KIF6: variants seen among roughly 807,000 people sequenced by gnomAD.
The protein encoded by KIF6 is kinesin-like protein KIF6.
A neutral mutation model predicts 112.7 loss-of-function variants in KIF6; 106 were observed. The observed-to-expected ratio is 0.94, with a 90% CI of 0.80 to 1.11. The LOEUF (loss-of-function observed/expected upper bound fraction) is 1.11, where lower values mean the gene tolerates loss of function less well. KIF6 is among the 50% of genes least tolerant of loss of function. The probability of loss-of-function intolerance (pLI) is 0.00; values close to 1 mark genes in which losing one functional copy is unlikely to be tolerated. For missense variants in KIF6, 929 were observed against 964.0 expected (o/e 0.96, Z 0.48); for synonymous variants, 339 against 339.9 (o/e 1.00, Z 0.03).
intron 13 of KIF6, among the ~76,000 whole-genome samples, chr6:39,445,798 C>A (rs1357980549): frequency 1.3e-5 from 2 of 152,182 alleles, no homozygotes; most frequent in African/African-American, 2.4e-5. Context: ...AATGGCAAAT[C>A]CACAGGGATG....
rs544832292 is a variant in KIF6, at chr6:39,489,385, C to T, written c.1645+50618G>A. Among the ~76,000 whole-genome samples, 7 of 152,166 alleles carry T rather than the reference C, an allele frequency of 4.6e-5. No homozygotes were observed. In the South Asian group the frequency reaches 1.5e-3, roughly 32 times the overall value. On this transcript the variant is annotated intron_variant, in intron 13 of 22. Coordinates refer to ENST00000287152, the MANE Select transcript of KIF6 (RefSeq NM_145027.6). Reference sequence around the variant, plus strand: ...ATCGCAATAGACTTTAGAGATATCCCAACTGGAACTTAGGTCTGCATGGGC... The same window carrying T: ...ATCGCAATAGACTTTAGAGATATCCTAACTGGAACTTAGGTCTGCATGGGC...
chr6:39,603,186 A>G (rs1008888304), intron 6 of KIF6, among the ~76,000 whole-genome samples: 1 of 152,152 alleles, frequency 6.6e-6, no homozygotes, highest in Non-Finnish European at 1.5e-5. Context: ...AATGGTGCAG[A>G]TTGTAAAAAG....
At chr6:39,677,129 A>G (rs1464816799) in intron 3 of KIF6, among the ~76,000 whole-genome samples, 1 of 152,100 alleles carries the variant, frequency 6.6e-6, no homozygotes. Flanking sequence ...GGTGTTATAT[A>G]ATATTCTGTA....
intron 13 of KIF6, among the ~76,000 whole-genome samples, chr6:39,521,820 G>A (rs1429239377): frequency 6.6e-6 from 1 of 152,132 alleles, no homozygotes; most frequent in Admixed American, 6.5e-5. Flanking sequence ...GACTAGATCT[G>A]CTGCACTTAC....
In KIF6 at chr6:39,616,509, C is replaced by T. The variant is rs534444364; in HGVS notation, c.510-3191G>A. ...CCTGCTTAGGGCTCATTTGTGGGCA[C>T]GCTATAAAAGGGTCCACTTCTGGCA... On this transcript the variant is annotated intron_variant, in intron 5 of 22. Transcript: ENST00000287152. Among the ~76,000 whole-genome samples the T allele has an allele frequency of 9.2e-5, 14 of 152,212 alleles. No individual in the cohort carries two copies. The East Asian group carries it at 9.7e-4, about 11-fold the overall frequency.
Position 39,360,459 on chromosome 6 carries a change from T to C in KIF6, c.2018A>G (p.Lys673Arg). 2 of 1,614,230 alleles carry C rather than the reference T, an allele frequency of 1.2e-6. No individual in the cohort carries two copies. Among genetic ancestry groups the C allele is most frequent in the Non-Finnish European group, 1.7e-6 (2 of 1,180,038 alleles). ...CTCTTTCTGTAGCTTCACCTTGGCT[T>C]TGTCCATGAGCAGCTGCAAGTGCTC... ...EIEHLQLLMDKAKVKLQKEFE... is the reference protein window; with the variant it reads ...EIEHLQLLMDRAKVKLQKEFE... Residue 673 changes from lysine (K) to arginine (R), a missense_variant, in exon 18 of 23, where the codon AAA becomes AGA. By Grantham distance (26) the Lys-to-Arg change is conservative (BLOSUM62 2). This residue lies in a region of KIF6 where 241 missense variants were observed against 301.4 expected (regional missense o/e 0.80). Coordinates refer to ENST00000287152, the MANE Select transcript of KIF6 (RefSeq NM_145027.6).
At chr6:39,724,648 A>G (rs1790429413) in intron 1 of KIF6, among the ~76,000 whole-genome samples, 1 of 152,168 alleles carries the variant, frequency 6.6e-6, no homozygotes, top group Admixed American at 6.5e-5. Flanking sequence ...ACCTATATCT[A>G]TTAATACAAG....
intron 13 of KIF6, among the ~76,000 whole-genome samples, chr6:39,432,993 T>A (rs1771268793): frequency 6.6e-6 from 1 of 150,556 alleles, no homozygotes; most frequent in Non-Finnish European, 1.5e-5. Flanking sequence ...GAAAGGGGTG[T>A]GGGGTGGGAG....
intron 2 of KIF6, among the ~76,000 whole-genome samples, chr6:39,718,893 G>A (rs954683573): frequency 1.3e-5 from 2 of 152,170 alleles, no homozygotes; most frequent in African/African-American, 4.8e-5. Context: ...TGTACTTACT[G>A]TAAAAGACAC....
Position 39,544,641 on chromosome 6 carries a change from C to T in KIF6, c.1340G>A (p.Ser447Asn). Residue 447 changes from serine (S) to asparagine (N), a missense_variant, in exon 12 of 23, where the codon AGC becomes AAC. By Grantham distance (46) the Ser-to-Asn change is conservative. Transcript: ENST00000287152. Reference protein sequence around the residue: ...ILENNTVSSESKDQDCQEPLK... With the variant: ...ILENNTVSSENKDQDCQEPLK... ...TGGTTCTTGACAATCTTGGTCTTTG[C>T]TTTCAGAGGAGACTGTATTGTTTTC... 2 of 1,611,834 alleles carry T rather than the reference C, an allele frequency of 1.2e-6. No homozygotes were observed. Among genetic ancestry groups the T allele is most frequent in the Non-Finnish European group, 1.7e-6 (2 of 1,178,902 alleles).
intron 13 of KIF6, among the ~76,000 whole-genome samples, chr6:39,436,723 G>C (rs1771557402): frequency 6.6e-6 from 1 of 152,068 alleles, no homozygotes; most frequent in Non-Finnish European, 1.5e-5. Context: ...CCATTGGTCT[G>C]TGTGTCTACT....
At chr6:39,412,347 A>G (rs1366647926) in intron 15 of KIF6, among the ~76,000 whole-genome samples, 4 of 152,220 alleles carry the variant, frequency 2.6e-5, no homozygotes, top group Non-Finnish European at 5.9e-5. Flanking sequence ...TTAATAAGTC[A>G]TCTTTGCTCT....
At chr6:39,424,755 C>T (rs559083071) in intron 14 of KIF6, among the ~76,000 whole-genome samples, 2 of 152,244 alleles carry the variant, frequency 1.3e-5, no homozygotes, top group East Asian at 3.9e-4. Context: ...TGTAGGAACC[C>T]CCCGTAGGGA....
chr6:39,485,899 GA>G (rs781211102), intron 13 of KIF6, among the ~76,000 whole-genome samples: 1 of 152,194 alleles, frequency 6.6e-6, no homozygotes, highest in Non-Finnish European at 1.5e-5. Flanking sequence ...ACATTTCTAT[GA>G]GGGAGATAGG....
intron 4 of KIF6, among the ~76,000 whole-genome samples, chr6:39,637,027 G>T (rs1259519018): frequency 1.3e-5 from 2 of 151,988 alleles, no homozygotes; most frequent in Non-Finnish European, 2.9e-5. Context: ...CATTGTTGCT[G>T]CTGTTGCTAT....
intron 3 of KIF6, among the ~76,000 whole-genome samples, chr6:39,670,965 A>G (rs1170660798): frequency 6.6e-6 from 1 of 152,226 alleles, no homozygotes; most frequent in African/African-American, 2.4e-5. Flanking sequence ...GTCACCACTT[A>G]TCTAAAAAAT....
chr6:39,501,392 T>C lies in KIF6; in HGVS notation c.1645+38611A>G, dbSNP rs138376793. The stretch of plus-strand genomic sequence containing the variant: ...TAAGAAAGAATCAACACAAAAATGC[T>C]AAAAACTCAAAAAGCCACAGTGCCC... On this transcript the variant is annotated intron_variant, in intron 13 of 22. Coordinates refer to ENST00000287152, the MANE Select transcript of KIF6 (RefSeq NM_145027.6). Among the ~76,000 whole-genome samples, 3 of 152,232 alleles carry C rather than the reference T, an allele frequency of 2.0e-5. No individual in the cohort carries two copies. In the East Asian group the frequency reaches 5.8e-4, roughly 29 times the overall value.
chr6:39,710,425 A>G (rs1329584545), intron 3 of KIF6, among the ~76,000 whole-genome samples: 1 of 150,852 alleles, frequency 6.6e-6, no homozygotes, highest in Non-Finnish European at 1.5e-5. Flanking sequence ...AAAGCGAGGC[A>G]CCAAACTCAT....
intron 15 of KIF6, among the ~76,000 whole-genome samples, chr6:39,411,156 C>G (rs980024542): frequency 3.9e-5 from 6 of 152,182 alleles, no homozygotes; most frequent in African/African-American, 1.4e-4. Context: ...CCAGGGAAGA[C>G]CAAAGCCATG....
Sources: allele counts gnomAD v4.1 joint callset (sites outside exome capture counted in the v4.1 genomes callset), GRCh38; gene constraint gnomAD v4.1.1; regional missense constraint gnomAD v4.1.1; transcripts MANE v1.5; gene names NCBI Gene and HGNC (gene_info 2026-07-23, HGNC 2026-07-21).